Variants in GSE1 observed in about 807,000 individuals in gnomAD.
GSE1 encodes genetic suppressor element 1.
GSE1 carries 32 observed loss-of-function variants against 112.6 expected under a neutral mutation model. The ratio of observed to expected loss-of-function variants is 0.28; its 90% CI spans 0.21 to 0.38. The LOEUF (loss-of-function observed/expected upper bound fraction) is 0.38. Ranked by LOEUF, GSE1 falls within the 10% of genes least tolerant of loss-of-function variation. GSE1 has a pLI of 1.00. For missense variants in GSE1, 2,348 were observed against 1,699.2 expected (o/e 1.38, Z -6.71); for synonymous variants, 1,115 against 735.6 (o/e 1.52, Z -8.35).
At chr16:85,410,965 A>G (rs1174208728) in intron 2 of GSE1, among the ~76,000 whole-genome samples, 1 of 76,972 alleles carries the variant, frequency 1.3e-5, no homozygotes. Context: ...GATAATCCTC[A>G]CTGTTACACT....
chr16:85,471,194 G>T (rs537971178), intron 2 of GSE1, among the ~76,000 whole-genome samples: 2 of 152,336 alleles, frequency 1.3e-5, no homozygotes, highest in African/African-American at 4.8e-5. Context: ...CTGCCCTGAA[G>T]AAGAGGCTGG....
At chr16:85,452,105 G>C (rs546654774) in intron 2 of GSE1, among the ~76,000 whole-genome samples, 3 of 152,148 alleles carry the variant, frequency 2.0e-5, no homozygotes, top group Non-Finnish European at 4.4e-5. Flanking sequence ...AGAGAGACCC[G>C]TGTCCGGCGC....
intron 1 of GSE1, among the ~76,000 whole-genome samples, chr16:85,221,299 A>G (rs2143750185): frequency 6.8e-6 from 1 of 147,450 alleles, no homozygotes; most frequent in East Asian, 1.9e-4. Flanking sequence ...CCTGGTTCAC[A>G]CTTCCCTAGC....
At chr16:85,527,827 A>G (rs2052412815) in intron 2 of GSE1, among the ~76,000 whole-genome samples, 1 of 152,244 alleles carries the variant, frequency 6.6e-6, no homozygotes, top group Admixed American at 6.5e-5. Context: ...GAGGGGGATT[A>G]ACTGGTGGAA....
intron 1 of GSE1, among the ~76,000 whole-genome samples, chr16:85,586,394 G>A (rs758116034): frequency 1.3e-5 from 2 of 152,108 alleles, no homozygotes; most frequent in African/African-American, 4.8e-5. Flanking sequence ...GCCGAGTGCC[G>A]GGAGGGACAG....
intron 1 of GSE1, among the ~76,000 whole-genome samples, chr16:85,570,241 T>C (rs913515434): frequency 1.3e-5 from 2 of 152,130 alleles, no homozygotes; most frequent in Non-Finnish European, 2.9e-5. Flanking sequence ...TTCAAGGACC[T>C]TGGTGCTGGA....
At chr16:85,287,411 C>T (rs551685332) in intron 1 of GSE1, among the ~76,000 whole-genome samples, 2 of 152,228 alleles carry the variant, frequency 1.3e-5, no homozygotes, top group South Asian at 2.1e-4. Flanking sequence ...CATGTCCCTA[C>T]GGTGACTGAC....
At chr16:85,496,107 G>A (rs917313331) in intron 2 of GSE1, among the ~76,000 whole-genome samples, 2 of 152,308 alleles carry the variant, frequency 1.3e-5, no homozygotes, top group Non-Finnish European at 2.9e-5. Flanking sequence ...GGCACAGCTC[G>A]GAGCAGGGTC....
intron 2 of GSE1, among the ~76,000 whole-genome samples, chr16:85,370,586 C>A (rs1178004393): frequency 6.6e-6 from 1 of 151,898 alleles, no homozygotes; most frequent in Non-Finnish European, 1.5e-5. Flanking sequence ...TTCCTCCTTT[C>A]CCCTCCCTCT....
chr16:85,286,154 C>T (rs977519802), intron 1 of GSE1, among the ~76,000 whole-genome samples: 42 of 152,208 alleles, frequency 2.8e-4, no homozygotes, highest in Non-Finnish European at 4.3e-4. Flanking sequence ...GCAGACTGGG[C>T]GGTGATGAAC....
At chr16:85,185,875 G>A (rs983592464) in intron 1 of GSE1, among the ~76,000 whole-genome samples, 20 of 152,344 alleles carry the variant, frequency 1.3e-4, no homozygotes, top group Admixed American at 2.0e-4. Context: ...TGGGAGGGCC[G>A]TTGTCTAGGA....
intron 2 of GSE1, among the ~76,000 whole-genome samples, chr16:85,393,870 G>C (rs1053260901): frequency 2.0e-5 from 3 of 152,170 alleles, no homozygotes; most frequent in Non-Finnish European, 2.9e-5. Context: ...CCTTCTCACC[G>C]CCAGGGGGCA....
At chr16:85,358,635 A>G (rs1447151332) in intron 2 of GSE1, among the ~76,000 whole-genome samples, 3 of 152,276 alleles carry the variant, frequency 2.0e-5, no homozygotes, top group Non-Finnish European at 4.4e-5. Flanking sequence ...TGGGACCTCC[A>G]TCTGCAGGGC....
rs919152821 is a variant in GSE1, at chr16:85,312,221, CACTT to C, written c.2284-45239_2284-45236del. 4.0e-4 allele frequency among the ~76,000 whole-genome samples: 49 copies of C among 122,286 alleles called. 1 individual carries two copies. Among genetic ancestry groups the C allele is most frequent in the Middle Eastern group, 4.1e-3 (1 of 246 alleles). 80.2% of individuals were successfully genotyped at this position (122,286 alleles called of 152,430 possible). On this transcript the variant is annotated intron_variant, in intron 1 of 2. Transcript: ENST00000637419. Reference sequence around the variant, plus strand: ...TCCTCTTGCGGGGGGGGGGGGGACACACTTACCCCCAAACCCTAAACACAACTGA... The same window carrying C: ...TCCTCTTGCGGGGGGGGGGGGGACACACCCCCAAACCCTAAACACAACTGA...
chr16:85,286,931 A>AG (rs1394662711), intron 1 of GSE1, among the ~76,000 whole-genome samples: 3 of 152,238 alleles, frequency 2.0e-5, no homozygotes, highest in Non-Finnish European at 2.9e-5. Flanking sequence ...CTCTGGTGGA[A>AG]GAGAAGCCTT....
intron 1 of GSE1, among the ~76,000 whole-genome samples, chr16:85,187,547 G>T (rs11149717): frequency 5.0e-4 from 76 of 151,858 alleles, no homozygotes; most frequent in East Asian, 2.1e-3. Flanking sequence ...AGGCCAGCGC[G>T]AGTACTATCC....
At chr16:85,480,665 G>A (rs1265662445) in intron 2 of GSE1, among the ~76,000 whole-genome samples, 1 of 152,000 alleles carries the variant, frequency 6.6e-6, no homozygotes, top group African/African-American at 2.4e-5. Flanking sequence ...ATCCACCCTG[G>A]GTGTTGCCTT....
chr16:85,448,960 C>T (rs2049590174), intron 2 of GSE1, among the ~76,000 whole-genome samples: 1 of 152,178 alleles, frequency 6.6e-6, no homozygotes, highest in Non-Finnish European at 1.5e-5. Flanking sequence ...AGCTGTTTGC[C>T]TCTCCCCGCC....
At chr16:85,385,243 C>T (rs547979647) in intron 2 of GSE1, among the ~76,000 whole-genome samples, 1 of 152,322 alleles carries the variant, frequency 6.6e-6, no homozygotes, top group East Asian at 1.9e-4. Flanking sequence ...GGGCAGGAGG[C>T]TGGGAGGAGA....
Sources: gnomAD v4.1 joint callset for allele counts (sites outside exome capture counted in the v4.1 genomes callset) on GRCh38, gnomAD v4.1.1 for gene constraint, MANE v1.5 for transcripts, NCBI Gene and HGNC (gene_info 2026-07-23, HGNC 2026-07-21) for gene names.